Variants in C15orf39 observed in about 807,000 individuals in gnomAD.
C15orf39 encodes the protein PRMT2 interacting protein, also known as uncharacterized protein C15orf39.
In C15orf39, 24 loss-of-function variants were observed where a neutral mutation model predicts 53.9. That is an observed-to-expected ratio of 0.45 (90% CI 0.32 to 0.63). The LOEUF (loss-of-function observed/expected upper bound fraction) is 0.63. Ranked by LOEUF, C15orf39 falls within the 20% of genes least tolerant of loss-of-function variation. C15orf39 has a pLI of 0.04. For missense variants in C15orf39, 1,271 were observed against 1,347.9 expected, an observed-to-expected ratio of 0.94 and a Z score of 0.89; for synonymous variants, 569 against 576.5, an observed-to-expected ratio of 0.99 and a Z score of 0.19.
At chr15:75,209,126 A>G in intron 2 of C15orf39, 1 of 392,666 alleles carries the variant, frequency 2.5e-6, no homozygotes, top group Non-Finnish European at 4.6e-6. Context: ...TGCCTTCTCC[A>G]TCTTTGGTGC....
At position 75,210,749 on chromosome 15, in the gene C15orf39, G is replaced by T. The variant is rs1161247033; in HGVS notation, c.2777G>T (p.Gly926Val). 1 of 1,596,430 alleles carries T rather than the reference G, an allele frequency of 6.3e-7. No individual in the cohort carries two copies. The highest frequency in any genetic ancestry group is 1.3e-5 in the African/African-American group (1 of 74,470). Residue 926 changes from glycine (G) to valine (V), a missense_variant and splice_region_variant, in exon 3 of 3, where the codon GGT (glycine) becomes GTT (valine). Gly to Val is a moderately radical substitution (Grantham distance 109). Around this residue, in one of 2 missense-constraint regions of C15orf39, gnomAD observed 277 missense variants for 354.1 expected, o/e 0.78. Coordinates refer to ENST00000394987, the MANE Select transcript of C15orf39 (RefSeq NM_015492.5). ...QWRDCVRRQL[G>V]DFDTEAGAVS... is the part of the protein sequence containing the mutation. ...GGCTGACTATGTGTTCGTTTTCCAG[G>T]TGACTTTGACACTGAGGCTGGAGCT...
rs2070437548 is a variant in C15orf39 at position 75,206,315 on chromosome 15, C to T, written c.267C>T (p.Thr89=). Residue 89 remains threonine, a synonymous_variant, in exon 2 of 3, where the codon ACC becomes ACT. Transcript: ENST00000394987. The part of the protein sequence containing the change: ...GPPLQADNLL[T]NCLFYRSPAE... The stretch of plus-strand genomic sequence containing the variant: ...CACTTCAGGCAGACAACCTGCTGAC[C>T]AACTGCCTGTTCTACCGCTCGCCAG... 1.2e-6 allele frequency: 2 copies of T among 1,614,070 alleles called. No individual in the cohort carries two copies. Among genetic ancestry groups the T allele is most frequent in the East Asian group, 2.2e-5 (1 of 44,888 alleles).
chr15:75,200,068 C>T (rs2070391711), upstream of C15orf39, among the ~76,000 whole-genome samples: 1 of 152,220 alleles, frequency 6.6e-6, no homozygotes, highest in Admixed American at 6.5e-5. Flanking sequence ...CAATTTCCCA[C>T]ACTGATGTTG....
intron 1 of C15orf39, among the ~76,000 whole-genome samples, chr15:75,204,611 A>G (rs1049945702): frequency 6.6e-6 from 1 of 152,144 alleles, no homozygotes. Flanking sequence ...GAGTTCACGC[A>G]ATTCTCCTGC....
At chr15:75,200,446 A>T (rs1000505129), upstream of C15orf39, among the ~76,000 whole-genome samples, 1 of 152,192 alleles carries the variant, frequency 6.6e-6, no homozygotes, top group Admixed American at 6.5e-5. Context: ...AGGGCTAAGA[A>T]CACAGCCCTC....
chr15:75,209,789 C>T (rs1457345546), intron 2 of C15orf39, among the ~76,000 whole-genome samples: 4 of 152,200 alleles, frequency 2.6e-5, no homozygotes, highest in African/African-American at 9.7e-5. Flanking sequence ...TAGTTCCATC[C>T]CCGTAGTGGC....
chr15:75,208,819 A>G lies in C15orf39; in HGVS notation c.2771A>G (p.Gln924Arg). ...GLQWRDCVRR[Q>R]LGDFDTEAGA... ...CAGTGGCGCGACTGTGTACGCCGCC[A>G]GCTGGGTGAGCATGGGGCAGCCCCA... The change falls in exon 2 of 3, where the codon CAG (glutamine) becomes CGG (arginine). Residue 924 changes from glutamine to arginine, a missense_variant. Gln to Arg is a conservative substitution (Grantham distance 43, BLOSUM62 1). Around this residue, in one of 2 missense-constraint regions of C15orf39, gnomAD observed 277 missense variants for 354.1 expected, o/e 0.78. Coordinates refer to ENST00000394987, the MANE Select transcript of C15orf39 (RefSeq NM_015492.5). 6.3e-7 allele frequency: 1 copy of G among 1,592,156 alleles called. No individual in the cohort carries two copies.
Position 75,211,240 on chromosome 15 carries a change from C to T in C15orf39, c.*124C>T. 1 of 1,354,344 alleles carries T rather than the reference C, an allele frequency of 7.4e-7. No homozygotes were observed. Among genetic ancestry groups the T allele is most frequent in the Non-Finnish European group, 9.9e-7 (1 of 1,013,346 alleles). 83.9% of individuals were successfully genotyped at this position (1,354,344 alleles called of 1,614,324 possible). ...CTGCTCCCCTGGAGGGGTTCCATCTCTGACCCTGTGGCCCATTCAGGGTGG... is the reference window on the plus strand; with the variant it reads ...CTGCTCCCCTGGAGGGGTTCCATCTTTGACCCTGTGGCCCATTCAGGGTGG... On this transcript the variant is annotated 3_prime_UTR_variant, in exon 3 of 3. Transcript: ENST00000394987.
intron 2 of C15orf39, among the ~76,000 whole-genome samples, chr15:75,210,212 C>T (rs1178943700): frequency 6.6e-6 from 1 of 152,182 alleles, no homozygotes; most frequent in African/African-American, 2.4e-5. Context: ...TTTGTTGCCC[C>T]TGTCCTCACT....
Position 75,211,215 on chromosome 15 carries a change from C to A in C15orf39, c.*99C>A. The A allele has an allele frequency of 6.8e-7, 1 of 1,472,070 alleles. No homozygotes were observed. The highest frequency in any genetic ancestry group is 1.4e-5 in the South Asian group (1 of 73,712). 91.2% of individuals were successfully genotyped at this position (1,472,070 alleles called of 1,614,324 possible). A position where few individuals can be genotyped will look rare whatever the true frequency, so the allele number is the denominator to read the frequency against. ...CCACGAGTGGATGCTGGGGCTGTGG[C>A]TGCTCCCCTGGAGGGGTTCCATCTC... is the stretch of plus-strand genomic sequence containing the variant. On this transcript the variant is annotated 3_prime_UTR_variant, in exon 3 of 3. Coordinates refer to ENST00000394987, the MANE Select transcript of C15orf39 (RefSeq NM_015492.5).
At chr15:75,203,877 G>C (rs1348610649) in intron 1 of C15orf39, among the ~76,000 whole-genome samples, 7 of 152,138 alleles carry the variant, frequency 4.6e-5, no homozygotes, top group African/African-American at 1.2e-4. Flanking sequence ...TTCACCCCTC[G>C]ATAGCAGGTT....
Position 75,208,267 on chromosome 15 carries a change from A to ATCCAGCTCCAGC in C15orf39, c.2231_2242dup (p.Ala744_Pro747dup). On this transcript the variant is annotated inframe_insertion, in exon 2 of 3. Coordinates refer to ENST00000394987, the MANE Select transcript of C15orf39 (RefSeq NM_015492.5). ...GCTCAGGCTCCAGCTTCAGCCCGGG[A>ATCCAGCTCCAGC]TCCAGCTCCAGCTCCAGCTCCAGTT... The ATCCAGCTCCAGC allele has an allele frequency of 6.3e-7, 1 of 1,591,262 alleles. No individual in the cohort carries two copies. The highest frequency in any genetic ancestry group is 1.1e-5 in the South Asian group (1 of 89,222).
rs191263398 is a variant in C15orf39, at chr15:75,205,913, C to T, written c.-50-86C>T. 8.5e-5 allele frequency: 76 copies of T among 892,500 alleles called. No homozygotes were observed. In the African/African-American group the frequency reaches 1.0e-3, roughly 12 times the overall value. 55.3% of individuals were successfully genotyped at this position (892,500 alleles called of 1,614,324 possible). ...TAAGCGCCAGGTTCTTAGGTGTAGC[C>T]GTGAGCTGATGAGAGCAGCAGCCCT... On this transcript the variant is annotated intron_variant, in intron 1 of 2. Transcript: ENST00000394987.
Position 75,210,991 on chromosome 15 carries a change from CGCAGTCT to C in C15orf39, c.3022_3028del (p.Ser1008TrpfsTer81). The C allele has an allele frequency of 1.2e-6, 2 of 1,612,998 alleles. No homozygotes were observed. The highest frequency in any genetic ancestry group is 1.3e-5 in the African/African-American group (1 of 75,048). On this transcript the variant is annotated frameshift_variant, in exon 3 of 3. Transcript: ENST00000394987. LOFTEE classifies it high-confidence loss of function. ...TGGCCCCACACTGAAGGCCCGCTTC[CGCAGTCT>C]GCTGGAGACCGCCTGGCTCAATGGC...
chr15:75,211,039 T>G lies in C15orf39; in HGVS notation c.3067T>G (p.Trp1023Gly), dbSNP rs1354696941. 6.2e-7 allele frequency: 1 copy of G among 1,608,058 alleles called. No individual in the cohort carries two copies. The highest frequency in any genetic ancestry group is 1.7e-5 in the Admixed American group (1 of 60,024). Residue 1023 changes from tryptophan to glycine, a missense_variant, in exon 3 of 3, where the codon TGG becomes GGG. This residue lies in a region of C15orf39 where 277 missense variants were observed against 354.1 expected (regional missense o/e 0.78). Coordinates refer to ENST00000394987, the MANE Select transcript of C15orf39 (RefSeq NM_015492.5). ...GCTCAATGGCCTGGCTCTGCCCACC[T>G]GGGGCCACAAGTCCTCAAGACCAGA... Reference protein sequence around the residue: ...AWLNGLALPTWGHKSSRPDQP... With the variant: ...AWLNGLALPTGGHKSSRPDQP...
chr15:75,205,385 A>G (rs1379511313), intron 1 of C15orf39, among the ~76,000 whole-genome samples: 1 of 152,198 alleles, frequency 6.6e-6, no homozygotes, highest in Non-Finnish European at 1.5e-5. Flanking sequence ...CAGTGCCCCT[A>G]CAAATTCTGA....
rs916303835 is a variant in C15orf39 at position 75,211,464 on chromosome 15, C to A, written c.*348C>A. On this transcript the variant is annotated 3_prime_UTR_variant, in exon 3 of 3. Coordinates refer to ENST00000394987, the MANE Select transcript of C15orf39 (RefSeq NM_015492.5). ...ATTCCCCATGTGTAAAATGGGACAA[C>A]GCAACCTACCTCACAGGGTTGTTGT... 4.0e-6 allele frequency: 1 copy of A among 248,248 alleles called. No homozygotes were observed. Among genetic ancestry groups the A allele is most frequent in the Admixed American group, 5.3e-5 (1 of 18,834 alleles). The allele number at this position is 248,248 out of a possible 1,614,324, so 15.4% of individuals were successfully genotyped here.
intron 1 of C15orf39, among the ~76,000 whole-genome samples, chr15:75,204,491 T>C (rs1377905298): frequency 1.3e-5 from 2 of 152,094 alleles, no homozygotes; most frequent in African/African-American, 2.4e-5. Context: ...CTTTTCTTTT[T>C]TTTTGTTTTG....
Position 75,206,085 on chromosome 15 carries a change from G to C in C15orf39, c.37G>C (p.Val13Leu), listed in dbSNP as rs562351386. The change falls in exon 2 of 3, where the codon GTG (valine) becomes CTG (leucine). Residue 13 changes from valine (V) to leucine (L), a missense_variant. Around this residue, in one of 2 missense-constraint regions of C15orf39, gnomAD observed 994 missense variants for 993.7 expected, o/e 1.00. Transcript: ENST00000394987. ...GCGACCCCTGAGAACCCTGGGGCCTGTGATGTATGGCAAGCTGCCCCGCTT... is the reference window on the plus strand; with the variant it reads ...GCGACCCCTGAGAACCCTGGGGCCTCTGATGTATGGCAAGCTGCCCCGCTT... Reference protein sequence around the residue: ...EKRPLRTLGPVMYGKLPRLET... With the variant: ...EKRPLRTLGPLMYGKLPRLET... 4 of 1,612,196 alleles carry C rather than the reference G, an allele frequency of 2.5e-6. No homozygotes were observed. In the African/African-American group the frequency reaches 5.3e-5, roughly 22 times the overall value.
Sources: gnomAD v4.1 joint callset for allele counts (sites outside exome capture counted in the v4.1 genomes callset) on GRCh38, gnomAD v4.1.1 for gene constraint, gnomAD v4.1.1 regional missense constraint, MANE v1.5 for transcripts, NCBI Gene and HGNC (gene_info 2026-07-23, HGNC 2026-07-21) for gene names.